The following CTNNA3 variants were observed in gnomAD, a reference collection of about 807,000 sequenced individuals.
CTNNA3 encodes the protein catenin alpha-3.
A neutral mutation model predicts 95.7 loss-of-function variants in CTNNA3; 76 were observed. The observed-to-expected ratio is 0.79, with a 90% CI of 0.66 to 0.96. CTNNA3 has a LOEUF of 0.96. Among genes scored for constraint, CTNNA3 ranks in the 40% least tolerant of loss-of-function variants. The pLI, the probability that CTNNA3 is intolerant of heterozygous loss-of-function variation, is 0.00. For missense variants in CTNNA3, 1,191 were observed against 1,089.8 expected (o/e 1.09, Z -1.31); for synonymous variants, 431 against 374.4 (o/e 1.15, Z -1.74).
intron 13 of CTNNA3, among the ~76,000 whole-genome samples, chr10:66,165,462 C>T (rs1002224076): frequency 1.3e-4 from 20 of 152,058 alleles, no homozygotes; most frequent in Admixed American, 3.9e-4. Flanking sequence ...TATGTACCCT[C>T]TGAATCCAAA....
intron 9 of CTNNA3, among the ~76,000 whole-genome samples, chr10:66,719,558 G>A (rs897489964): frequency 4.6e-5 from 7 of 152,084 alleles, no homozygotes; most frequent in African/African-American, 1.7e-4. Context: ...TCTGCACATG[G>A]GGCATCAAGG....
chr10:66,811,767 A>G (rs554681322), intron 7 of CTNNA3, among the ~76,000 whole-genome samples: 1 of 152,330 alleles, frequency 6.6e-6, no homozygotes, highest in African/African-American at 2.4e-5. Flanking sequence ...ATAACCAAGC[A>G]AGATAGAAAC....
At chr10:67,367,620 C>G (rs900046854) in intron 5 of CTNNA3, among the ~76,000 whole-genome samples, 5 of 152,166 alleles carry the variant, frequency 3.3e-5, no homozygotes. Flanking sequence ...ACACCCAGAT[C>G]TTCATCACAG....
intron 6 of CTNNA3, among the ~76,000 whole-genome samples, chr10:67,188,123 T>C (rs1862948706): frequency 6.6e-6 from 1 of 152,160 alleles, no homozygotes; most frequent in South Asian, 2.1e-4. Context: ...ATGTGTTGTA[T>C]AAATAAAAAG....
At chr10:66,447,904 A>C (rs2093434653) in intron 11 of CTNNA3, among the ~76,000 whole-genome samples, 1 of 152,220 alleles carries the variant, frequency 6.6e-6, no homozygotes, top group South Asian at 2.1e-4. Flanking sequence ...ACAAAATAGG[A>C]GAATATTTTC....
Position 67,350,752 on chromosome 10 carries a change from T to C in CTNNA3, c.580-130882A>G, listed in dbSNP as rs79254234. On this transcript the variant is annotated intron_variant, in intron 5 of 17. Coordinates refer to ENST00000433211, the MANE Select transcript of CTNNA3 (RefSeq NM_013266.4). ...AGCTCTCATAGGTTGCTGATGAGAA[T>C]AGAAAATGGCATAGCCCTGTGAAAA... 5.4e-3 allele frequency among the ~76,000 whole-genome samples: 815 copies of C among 151,716 alleles called. 14 individuals carry two copies. Among genetic ancestry groups the C allele is most frequent in the African/African-American group, 0.019 (780 of 41,466 alleles).
At chr10:67,157,900 G>A in intron 7 of CTNNA3, among the ~76,000 whole-genome samples, 1 of 152,148 alleles carries the variant, frequency 6.6e-6, no homozygotes, top group Non-Finnish European at 1.5e-5. Flanking sequence ...CACTCATTCT[G>A]TAGGAGGACT....
intron 9 of CTNNA3, among the ~76,000 whole-genome samples, chr10:66,733,884 T>TA (rs1327439863): frequency 6.6e-6 from 1 of 151,780 alleles, no homozygotes; most frequent in African/African-American, 2.4e-5. Context: ...AGGTAATCTT[T>TA]AAAAAACAAT....
Position 67,627,215 on chromosome 10 carries a change from G to A in CTNNA3, c.100-20166C>T, listed in dbSNP as rs144345720. 2.0e-5 allele frequency among the ~76,000 whole-genome samples: 3 copies of A among 152,254 alleles called. 1 individual carries two copies. The highest frequency in any genetic ancestry group is 7.2e-5 in the African/African-American group (3 of 41,562). On this transcript the variant is annotated intron_variant, in intron 2 of 17. Transcript: ENST00000433211. ...TCCAGCTCTGCCTCCTGGTCATGCT[G>A]AGAGGGGTCAGATCCTCCCAACATT...
intron 16 of CTNNA3, among the ~76,000 whole-genome samples, chr10:65,986,590 T>C (rs1032261869): frequency 2.2e-4 from 33 of 151,588 alleles, no homozygotes; most frequent in Admixed American, 2.1e-3. Flanking sequence ...ATATCCTCTG[T>C]TCATGTATGG....
chr10:66,260,665 G>C (rs572726418), intron 13 of CTNNA3, among the ~76,000 whole-genome samples: 16 of 152,188 alleles, frequency 1.1e-4, no homozygotes, highest in Non-Finnish European at 1.3e-4. Context: ...GCAGGAAAAA[G>C]CAGAACAGGT....
intron 7 of CTNNA3, among the ~76,000 whole-genome samples, chr10:66,996,145 C>T (rs1217533927): frequency 6.6e-6 from 1 of 152,140 alleles, no homozygotes; most frequent in African/African-American, 2.4e-5. Context: ...TACTTCATTG[C>T]ACAAGTAGGT....
intron 10 of CTNNA3, among the ~76,000 whole-genome samples, chr10:66,522,768 C>T (rs1026076418): frequency 4.6e-5 from 7 of 151,564 alleles, no homozygotes; most frequent in Admixed American, 1.3e-4. Flanking sequence ...ATCCTGTCCA[C>T]GCACGTTATC....
chr10:66,058,937 A>G (rs2080139445), intron 15 of CTNNA3, among the ~76,000 whole-genome samples: 1 of 152,108 alleles, frequency 6.6e-6, no homozygotes, highest in Admixed American at 6.6e-5. Flanking sequence ...TCCCATGTTT[A>G]TTATACATAT....
Position 67,640,736 on chromosome 10 carries a change from C to G in CTNNA3, c.99+6679G>C, listed in dbSNP as rs1321501621. On this transcript the variant is annotated intron_variant, in intron 2 of 17. Coordinates refer to ENST00000433211, the MANE Select transcript of CTNNA3 (RefSeq NM_013266.4). ...ACCATCTGATCTTTGACAAACCTGA[C>G]AAAAACAAGAAATGGGGAAACGATT... is the stretch of plus-strand genomic sequence containing the variant. Among the ~76,000 whole-genome samples the G allele has an allele frequency of 4.6e-5, 7 of 152,008 alleles. No individual in the cohort carries two copies. In the East Asian group the frequency reaches 1.3e-3, roughly 29 times the overall value.
At chr10:66,320,670 A>G (rs1029883154) in intron 12 of CTNNA3, among the ~76,000 whole-genome samples, 1 of 152,098 alleles carries the variant, frequency 6.6e-6, no homozygotes, top group African/African-American at 2.4e-5. Flanking sequence ...ATAATAAAAA[A>G]CACATTTTCC....
chr10:67,581,555 A>C (rs1419619253), intron 3 of CTNNA3, among the ~76,000 whole-genome samples: 3 of 152,306 alleles, frequency 2.0e-5, no homozygotes, highest in South Asian at 2.1e-4. Flanking sequence ...CTTTGGTATC[A>C]GGATGATGCT....
At chr10:66,979,911 G>A (rs554589102) in intron 7 of CTNNA3, among the ~76,000 whole-genome samples, 1 of 152,274 alleles carries the variant, frequency 6.6e-6, no homozygotes, top group South Asian at 2.1e-4. Context: ...ATTTTGTTGT[G>A]TTCTGCTTTG....
intron 10 of CTNNA3, among the ~76,000 whole-genome samples, chr10:66,578,354 T>C (rs756573668): frequency 3.3e-5 from 5 of 151,996 alleles, no homozygotes; most frequent in African/African-American, 9.7e-5. Flanking sequence ...CTTTACTATA[T>C]TGAATAGGAA....
Sources: gnomAD v4.1 joint callset for allele counts (sites outside exome capture counted in the v4.1 genomes callset) on GRCh38, gnomAD v4.1.1 for gene constraint, MANE v1.5 for transcripts, NCBI Gene and HGNC (gene_info 2026-07-23, HGNC 2026-07-21) for gene names.